NAV3: variants seen among roughly 807,000 people sequenced by gnomAD.
NAV3 encodes pore membrane and/or filament interacting like protein 1.
In NAV3, 87 loss-of-function variants were observed where a neutral mutation model predicts 244.7. That is an observed-to-expected ratio of 0.36 (90% confidence interval 0.30 to 0.42). The LOEUF (loss-of-function observed/expected upper bound fraction) is 0.42. Among genes scored for constraint, NAV3 ranks in the 20% least tolerant of loss-of-function variants. The pLI, the probability that NAV3 is intolerant of heterozygous loss-of-function variation, is 1.00. For missense variants in NAV3, 2,663 were observed against 2,893.3 expected, an observed-to-expected ratio of 0.92 and a Z score of 1.83; for synonymous variants, 1,126 against 1,042.2, an observed-to-expected ratio of 1.08 and a Z score of -1.55.
At chr12:78,035,177 G>A (rs910453443) in intron 9 of NAV3, among the ~76,000 whole-genome samples, 30 of 152,104 alleles carry the variant, frequency 2.0e-4, no homozygotes, top group African/African-American at 7.2e-4. Flanking sequence ...TTATGAGATT[G>A]GGTATTTCCT....
At chr12:77,912,797 A>C (rs180976333) in intron 1 of NAV3, among the ~76,000 whole-genome samples, 3 of 149,696 alleles carry the variant, frequency 2.0e-5, no homozygotes, top group Non-Finnish European at 4.5e-5. Flanking sequence ...TTTTTACTAG[A>C]GATGGGGTTT....
At chr12:77,655,989 G>A (rs1178460088) in intron 2 of NAV3, among the ~76,000 whole-genome samples, 1 of 144,124 alleles carries the variant, frequency 6.9e-6, no homozygotes, top group Non-Finnish European at 1.5e-5. Flanking sequence ...AACAGTACCA[G>A]CTGCTGCAAA....
At chr12:77,619,165 T>C (rs756218101) in intron 2 of NAV3, among the ~76,000 whole-genome samples, 2 of 152,210 alleles carry the variant, frequency 1.3e-5, no homozygotes, top group Non-Finnish European at 2.9e-5. Flanking sequence ...GTTTCTTACA[T>C]TGGCATATTA....
intron 2 of NAV3, among the ~76,000 whole-genome samples, chr12:77,574,260 A>G (rs1467202802): frequency 6.6e-6 from 1 of 152,146 alleles, no homozygotes; most frequent in East Asian, 1.9e-4. Flanking sequence ...AGTAGCCTTG[A>G]TATGTAAGAT....
intron 18 of NAV3, among the ~76,000 whole-genome samples, chr12:78,131,181 C>A (rs17044894): frequency 2.0e-5 from 3 of 152,094 alleles, no homozygotes; most frequent in Admixed American, 1.3e-4. Context: ...TTCCAGCTTT[C>A]AGCCAGGACA....
intron 1 of NAV3, among the ~76,000 whole-genome samples, chr12:77,911,568 T>C (rs1375287725): frequency 6.6e-6 from 1 of 152,128 alleles, no homozygotes; most frequent in East Asian, 1.9e-4. Flanking sequence ...ATCTACTCTA[T>C]ATGCAAAAAC....
At chr12:78,165,443 G>A (rs1258096174) in intron 23 of NAV3, among the ~76,000 whole-genome samples, 4 of 151,524 alleles carry the variant, frequency 2.6e-5, no homozygotes, top group Non-Finnish European at 5.9e-5. Flanking sequence ...TGATTAATGA[G>A]GATTCTCAAA....
At chr12:78,146,325 A>C in intron 20 of NAV3, 44 bp from the exon 21 acceptor site, 2 of 881,596 alleles carry the variant, frequency 2.3e-6, no homozygotes, top group Non-Finnish European at 3.3e-6. Context: ...AATTAATTGA[A>C]AATAGTTTTT....
Position 78,210,426 on chromosome 12 carries a change from C to T in NAV3, c.7067C>T (p.Ala2356Val), listed in dbSNP as rs761118214. 6.2e-7 allele frequency: 1 copy of T among 1,613,652 alleles called. No individual in the cohort carries two copies. Among genetic ancestry groups the T allele is most frequent in the Non-Finnish European group, 8.5e-7 (1 of 1,179,842 alleles). The change falls in exon 40 of 40, where the codon GCA (alanine) becomes GTA (valine). Residue 2356 changes from alanine to valine, a missense_variant. This residue lies in a region of NAV3 where 543 missense variants were observed against 672.4 expected (regional missense o/e 0.81). Transcript: ENST00000397909. ...LMNMLMKLQE[A>V]ANYSSTQSCD... ...AATATGCTAATGAAACTCCAAGAAG[C>T]AGCCAATTACTCGAGCACACAAAGC...
chr12:78,112,909 G>A (rs1274702324), intron 12 of NAV3, among the ~76,000 whole-genome samples: 1 of 152,156 alleles, frequency 6.6e-6, no homozygotes, highest in Non-Finnish European at 1.5e-5. Context: ...TCGAAAGCAA[G>A]TTAGCTACTT....
intron 12 of NAV3, among the ~76,000 whole-genome samples, chr12:78,064,426 T>TCTGCCTGCCTGCCTGCCTGCCTGC (rs1555273018): frequency 1.5e-5 from 2 of 136,194 alleles, no homozygotes; most frequent in African/African-American, 5.5e-5. Flanking sequence ...TGTCTGTCTG[T>TCTGCCTGCCTGCCTGCCTGCCTGC]CTGCCTGCCT....
At chr12:77,933,380 TAGGTCAG>T (rs937798204) in intron 1 of NAV3, among the ~76,000 whole-genome samples, 5 of 152,232 alleles carry the variant, frequency 3.3e-5, no homozygotes, top group African/African-American at 1.2e-4. Flanking sequence ...TTAACAGCAC[TAGGTCAG>T]AGATTGAAAG....
chr12:77,995,469 T>A (rs1872202961), intron 6 of NAV3, among the ~76,000 whole-genome samples: 1 of 152,166 alleles, frequency 6.6e-6, no homozygotes, highest in African/African-American at 2.4e-5. Flanking sequence ...TTTAAAAGTG[T>A]TAAGTTGCTG....
chr12:78,071,582 T>C (rs1490421106), intron 12 of NAV3, among the ~76,000 whole-genome samples: 1 of 152,150 alleles, frequency 6.6e-6, no homozygotes, highest in Non-Finnish European at 1.5e-5. Context: ...GTCAATCTCG[T>C]CTTTTGTTGC....
At chr12:77,734,063 C>A (rs544982125) in intron 2 of NAV3, among the ~76,000 whole-genome samples, 27 of 151,704 alleles carry the variant, frequency 1.8e-4, no homozygotes, top group Middle Eastern at 6.8e-3. Context: ...AAAGAGAAGA[C>A]CCTGAATAAA....
chr12:77,894,575 C>T (rs890171036), intron 1 of NAV3, among the ~76,000 whole-genome samples: 2 of 1,920 alleles, frequency 1.0e-3, no homozygotes, highest in Non-Finnish European at 0.026. Context: ...CCAACCCTCA[C>T]TAGGCCACCA....
At chr12:78,031,039 C>T (rs892338982) in intron 9 of NAV3, among the ~76,000 whole-genome samples, 6 of 152,134 alleles carry the variant, frequency 3.9e-5, no homozygotes, top group Non-Finnish European at 8.8e-5. Flanking sequence ...GTAGGGGCCT[C>T]AGTGAGGAAT....
At position 77,722,577 on chromosome 12, in the gene NAV3, G is replaced by GAAA. The variant is rs1439979278; in HGVS notation, c.72+150316_72+150318dup. On this transcript the variant is annotated intron_variant, in intron 2 of 8. Coordinates refer to the NAV3 transcript ENST00000550042. ...AGATTGCATGTAAATTGCAGTGATA[G>GAAA]AAAAAAATAAAAAATATTCTTCTAC... Among the ~76,000 whole-genome samples the GAAA allele has an allele frequency of 3.3e-5, 5 of 152,018 alleles. No homozygotes were observed. In the East Asian group the frequency reaches 5.8e-4, roughly 18 times the overall value.
At chr12:77,629,538 A>G (rs965630754) in intron 2 of NAV3, among the ~76,000 whole-genome samples, 3 of 152,122 alleles carry the variant, frequency 2.0e-5, no homozygotes, top group East Asian at 1.9e-4. Flanking sequence ...GCTCTTTTCT[A>G]TCTGGTTCTC....
Sources: allele counts gnomAD v4.1 joint callset (sites outside exome capture counted in the v4.1 genomes callset), GRCh38; gene constraint gnomAD v4.1.1; regional missense constraint gnomAD v4.1.1; transcripts MANE v1.5; gene names NCBI Gene and HGNC (gene_info 2026-07-23, HGNC 2026-07-21).